FAM78B: variants seen among roughly 807,000 people sequenced by gnomAD.
FAM78B encodes protein FAM78B.
Under a neutral mutation model 20.0 loss-of-function variants are expected in FAM78B, and 10 were observed. That is an observed-to-expected ratio of 0.50 (90% CI 0.31 to 0.85). The LOEUF is 0.85. Among genes scored for constraint, FAM78B ranks in the 40% least tolerant of loss-of-function variants. FAM78B has a pLI of 0.05. For missense variants in FAM78B, 283 were observed against 345.0 expected (o/e 0.82, Z 1.42); for synonymous variants, 135 against 132.8 (o/e 1.02, Z -0.12).
intron 1 of FAM78B, among the ~76,000 whole-genome samples, chr1:166,129,497 AG>A (rs1654793094): frequency 6.6e-6 from 1 of 152,218 alleles, no homozygotes; most frequent in Non-Finnish European, 1.5e-5. Flanking sequence ...CTTTTCTCCC[AG>A]GAAGTGTGTG....
At position 166,152,674 on chromosome 1, in the gene FAM78B, T is replaced by G. The variant is rs1256914786; in HGVS notation, c.263+13312A>C. On this transcript the variant is annotated intron_variant, in intron 1 of 1. Transcript: ENST00000354422. ...ACTCTGGATTTATTTATTTATTTAT[T>G]TATTTATTTATTTATTTATTTATTG... 2.0e-5 allele frequency among the ~76,000 whole-genome samples: 3 copies of G among 150,488 alleles called. No homozygotes were observed. The East Asian group carries it at 5.8e-4, about 29-fold the overall frequency.
At chr1:166,161,279 T>C (rs1265260692) in intron 1 of FAM78B, among the ~76,000 whole-genome samples, 1 of 151,798 alleles carries the variant, frequency 6.6e-6, no homozygotes, top group African/African-American at 2.4e-5. Flanking sequence ...CCAGAGTAAA[T>C]GGGTTTACAG....
intron 1 of FAM78B, among the ~76,000 whole-genome samples, chr1:166,129,406 T>C (rs543605871): frequency 2.4e-4 from 37 of 152,286 alleles, no homozygotes; most frequent in Admixed American, 2.3e-3. Context: ...TTGAGGGCCA[T>C]ATAAATAGTC....
chr1:166,152,592 T>TA (rs764511695), intron 1 of FAM78B, among the ~76,000 whole-genome samples: 1 of 152,156 alleles, frequency 6.6e-6, no homozygotes, highest in Non-Finnish European at 1.5e-5. Flanking sequence ...AATCCCCCTT[T>TA]AACCTGTGCC....
chr1:166,095,597 C>T (rs966179703), intron 1 of FAM78B, among the ~76,000 whole-genome samples: 1 of 152,162 alleles, frequency 6.6e-6, no homozygotes, highest in Admixed American at 6.5e-5. Flanking sequence ...CCAGCCCCTC[C>T]ACCTCTGCCC....
At chr1:166,085,409 A>C (rs10800183) in intron 1 of FAM78B, among the ~76,000 whole-genome samples, 117,785 of 152,072 alleles carry the variant, frequency 0.77, 45,840 homozygotes, top group Non-Finnish European at 0.81. Context: ...AGAACTCAAG[A>C]TCTCTTCAGA....
chr1:166,115,118 T>C lies in FAM78B; in HGVS notation c.264-44355A>G, dbSNP rs1271352823. On this transcript the variant is annotated intron_variant, in intron 1 of 1. Coordinates refer to ENST00000354422, the MANE Select transcript of FAM78B (RefSeq NM_001017961.5). ...GGTTTGTTCGTTCATCTGACAAAAG[T>C]CTACTGAGTGCCAGAGACCGCTCCA... is the stretch of plus-strand genomic sequence containing the variant. Among the ~76,000 whole-genome samples, 4 of 152,308 alleles carry C rather than the reference T, an allele frequency of 2.6e-5. No individual in the cohort carries two copies. The South Asian group carries it at 8.3e-4, about 32-fold the overall frequency.
intron 1 of FAM78B, among the ~76,000 whole-genome samples, chr1:166,098,428 G>C (rs918021369): frequency 8.5e-5 from 13 of 152,132 alleles, no homozygotes; most frequent in African/African-American, 2.9e-4. Flanking sequence ...CAGAAGGTTA[G>C]TTATTAAGCT....
At chr1:166,075,416 T>C (rs1239586987) in intron 1 of FAM78B, among the ~76,000 whole-genome samples, 1 of 152,208 alleles carries the variant, frequency 6.6e-6, no homozygotes, top group East Asian at 1.9e-4. Context: ...GAGGCAAGTA[T>C]GGCTGATTGT....
chr1:166,157,597 G>A (rs1033949148), intron 1 of FAM78B, among the ~76,000 whole-genome samples: 4 of 152,112 alleles, frequency 2.6e-5, no homozygotes, highest in Admixed American at 2.6e-4. Flanking sequence ...GAATTCTTGG[G>A]AGCCAGAGGT....
intron 1 of FAM78B, among the ~76,000 whole-genome samples, chr1:166,107,438 T>C (rs1653830268): frequency 6.6e-6 from 1 of 152,068 alleles, no homozygotes; most frequent in African/African-American, 2.4e-5. Flanking sequence ...ACAACCCTCC[T>C]AGCTTAAATC....
intron 1 of FAM78B, among the ~76,000 whole-genome samples, chr1:166,144,225 GT>G (rs1345230988): frequency 6.6e-6 from 1 of 152,054 alleles, no homozygotes; most frequent in Non-Finnish European, 1.5e-5. Flanking sequence ...GTGTGTTAGC[GT>G]TTTCACAGAT....
intron 1 of FAM78B, among the ~76,000 whole-genome samples, chr1:166,099,252 A>C (rs906750202): frequency 2.0e-5 from 3 of 152,348 alleles, no homozygotes; most frequent in Non-Finnish European, 4.4e-5. Context: ...AGGAGCTCTA[A>C]ATCTTGAAAC....
intron 1 of FAM78B, among the ~76,000 whole-genome samples, chr1:166,157,331 A>C (rs995743372): frequency 5.9e-5 from 9 of 151,556 alleles, no homozygotes; most frequent in African/African-American, 1.7e-4. Context: ...TTGATTCCTA[A>C]TCCGTATGGC....
intron 1 of FAM78B, among the ~76,000 whole-genome samples, chr1:166,097,530 G>A (rs982170244): frequency 2.0e-5 from 3 of 151,758 alleles, no homozygotes; most frequent in Admixed American, 1.3e-4. Context: ...AGCATGGTGG[G>A]AGTGAGACCA....
chr1:166,102,416 T>C (rs946270244), intron 1 of FAM78B, among the ~76,000 whole-genome samples: 2 of 152,084 alleles, frequency 1.3e-5, no homozygotes, highest in African/African-American at 2.4e-5. Flanking sequence ...GACTGGCAAA[T>C]TGGATAAAGA....
At chr1:166,072,738 A>G (rs1652097531) in intron 1 of FAM78B, among the ~76,000 whole-genome samples, 1 of 152,136 alleles carries the variant, frequency 6.6e-6, no homozygotes, top group Non-Finnish European at 1.5e-5. Flanking sequence ...GTTCCTTCTT[A>G]GAATTGGAGG....
chr1:166,092,321 A>AGTT (rs1187266858), intron 1 of FAM78B, among the ~76,000 whole-genome samples: 1 of 152,108 alleles, frequency 6.6e-6, no homozygotes, highest in Non-Finnish European at 1.5e-5. Context: ...GGGGATGCTG[A>AGTT]GTTGTCCTGC....
At chr1:166,164,702 A>T (rs1481080428) in intron 1 of FAM78B, 1 of 152,198 alleles carries the variant, frequency 6.6e-6, no homozygotes, top group Non-Finnish European at 1.5e-5. Context: ...AGAGTGCAAT[A>T]AAAAGCCTGC....
Sources: gnomAD v4.1 joint callset for allele counts (sites outside exome capture counted in the v4.1 genomes callset) on GRCh38, gnomAD v4.1.1 for gene constraint, MANE v1.5 for transcripts, NCBI Gene and HGNC (gene_info 2026-07-23, HGNC 2026-07-21) for gene names.